PPP1R9A: variants seen among roughly 807,000 people sequenced by gnomAD.
PPP1R9A encodes neurabin-1.
PPP1R9A carries 59 observed loss-of-function variants against 141.9 expected under a neutral mutation model. The observed-to-expected ratio is 0.42, with a 90% confidence interval of 0.34 to 0.52. The LOEUF is 0.52. Ranked by LOEUF, PPP1R9A falls within the 20% of genes least tolerant of loss-of-function variation. The pLI, the probability that PPP1R9A is intolerant of heterozygous loss-of-function variation, is 0.10. For synonymous variants in PPP1R9A, 500 were observed against 569.7 expected, an observed-to-expected ratio of 0.88 and a Z score of 1.74; for missense variants, 1,444 against 1,611.9, an observed-to-expected ratio of 0.90 and a Z score of 1.78.
At chr7:95,026,459 T>C (rs4278098) in intron 2 of PPP1R9A, among the ~76,000 whole-genome samples, 100,677 of 152,060 alleles carry the variant, frequency 0.66, 34,346 homozygotes, top group African/African-American at 0.82. Context: ...AGCTTTGTCC[T>C]AGAGGGGCAC....
chr7:95,057,898 G>C (rs1383974394), intron 2 of PPP1R9A, among the ~76,000 whole-genome samples: 1 of 151,946 alleles, frequency 6.6e-6, no homozygotes, highest in Non-Finnish European at 1.5e-5. Flanking sequence ...TGAACTTTAG[G>C]TATGGGTAAT....
chr7:95,209,476 C>G (rs921973524), intron 7 of PPP1R9A, among the ~76,000 whole-genome samples: 8 of 152,020 alleles, frequency 5.3e-5, no homozygotes, highest in Non-Finnish European at 5.9e-5. Context: ...TGTAAAGATG[C>G]CAGGAATCTT....
chr7:95,111,228 G>A (rs773558184), intron 2 of PPP1R9A, 31 bp from the exon 3 acceptor site: 4 of 1,383,246 alleles, frequency 2.9e-6, no homozygotes, highest in Admixed American at 5.0e-5. Flanking sequence ...TTTTTTTTCT[G>A]TATTATCATC....
chr7:95,015,894 TA>T (rs886094035), intron 2 of PPP1R9A, among the ~76,000 whole-genome samples: 2 of 151,582 alleles, frequency 1.3e-5, no homozygotes, highest in South Asian at 4.2e-4. Flanking sequence ...CTACAAAAAA[TA>T]AAAAAAATTA....
At chr7:94,970,780 A>C (rs1444872400) in intron 2 of PPP1R9A, among the ~76,000 whole-genome samples, 2 of 151,794 alleles carry the variant, frequency 1.3e-5, no homozygotes, top group Non-Finnish European at 2.9e-5. Context: ...GGACTACTTA[A>C]TTTTACATTG....
At chr7:94,921,494 T>G (rs1454973594) in intron 2 of PPP1R9A, among the ~76,000 whole-genome samples, 1 of 151,972 alleles carries the variant, frequency 6.6e-6, no homozygotes, top group Non-Finnish European at 1.5e-5. Context: ...TTTTGATGGA[T>G]TCCTTTACGA....
chr7:95,220,329 C>A (rs1054061110), intron 7 of PPP1R9A, among the ~76,000 whole-genome samples: 2 of 152,042 alleles, frequency 1.3e-5, no homozygotes, highest in Non-Finnish European at 2.9e-5. Context: ...TACATAGCAC[C>A]AAATTCAAAT....
chr7:95,248,854 GT>G lies in PPP1R9A; in HGVS notation c.2167-1168del, dbSNP rs1412218202. Among the ~76,000 whole-genome samples, 8 of 152,170 alleles carry G rather than the reference GT, an allele frequency of 5.3e-5. No homozygotes were observed. In the East Asian group the frequency reaches 1.5e-3, roughly 29 times the overall value. On this transcript the variant is annotated intron_variant, in intron 9 of 19. Coordinates refer to ENST00000433360, the MANE Select transcript of PPP1R9A (RefSeq NM_001166160.2). The stretch of plus-strand genomic sequence containing the variant: ...TGGATGCTTTCTAACTTTGTAAACT[GT>G]TTTGCAAATGTGTTTAGTTAAAAAT...
chr7:94,951,814 T>C (rs1796506828), intron 2 of PPP1R9A, among the ~76,000 whole-genome samples: 1 of 151,940 alleles, frequency 6.6e-6, no homozygotes, highest in African/African-American at 2.4e-5. Context: ...GAGTGCTTCA[T>C]TCAGTTTCCT....
chr7:95,283,552 A>G (rs148315469), intron 16 of PPP1R9A, among the ~76,000 whole-genome samples: 2 of 152,298 alleles, frequency 1.3e-5, no homozygotes, highest in African/African-American at 4.8e-5. Flanking sequence ...TGAACCCTGA[A>G]ATTTCAAAAT....
chr7:94,996,951 T>C (rs1158553787), intron 2 of PPP1R9A, among the ~76,000 whole-genome samples: 1 of 151,960 alleles, frequency 6.6e-6, no homozygotes, highest in Non-Finnish European at 1.5e-5. Context: ...TACAGGCATG[T>C]GCTACCACGC....
intron 2 of PPP1R9A, among the ~76,000 whole-genome samples, chr7:94,917,508 G>C (rs1792232614): frequency 6.6e-6 from 1 of 152,018 alleles, no homozygotes; most frequent in South Asian, 2.1e-4. Flanking sequence ...TGGGGCACAA[G>C]TAATTCTCCT....
At chr7:95,127,372 A>G (rs1467740800) in intron 4 of PPP1R9A, among the ~76,000 whole-genome samples, 1 of 152,184 alleles carries the variant, frequency 6.6e-6, no homozygotes, top group Non-Finnish European at 1.5e-5. Flanking sequence ...TATTTTAGTC[A>G]TAGGATTCCT....
chr7:95,111,126 T>C (rs560898459), intron 2 of PPP1R9A, 133 bp from the exon 3 acceptor site: 9 of 1,005,278 alleles, frequency 9.0e-6, no homozygotes, highest in Admixed American at 5.8e-5. Flanking sequence ...TCTTAACATC[T>C]CAATTGATTT....
At chr7:95,006,509 C>A (rs1803621003) in intron 2 of PPP1R9A, among the ~76,000 whole-genome samples, 2 of 151,924 alleles carry the variant, frequency 1.3e-5, no homozygotes, top group African/African-American at 4.8e-5. Context: ...CCTTGCCCGG[C>A]CAAGAACATT....
intron 7 of PPP1R9A, among the ~76,000 whole-genome samples, chr7:95,215,719 C>G (rs1029791997): frequency 1.3e-5 from 2 of 152,116 alleles, no homozygotes; most frequent in African/African-American, 4.8e-5. Flanking sequence ...TCTCTGATGG[C>G]CAGTGATGAT....
intron 2 of PPP1R9A, among the ~76,000 whole-genome samples, chr7:95,047,908 A>C (rs540377703): frequency 6.6e-6 from 1 of 152,324 alleles, no homozygotes; most frequent in African/African-American, 2.4e-5. Context: ...GTATAAAAAC[A>C]TGCTGGTTAA....
At chr7:95,047,773 G>A (rs982321441) in intron 2 of PPP1R9A, among the ~76,000 whole-genome samples, 2 of 152,106 alleles carry the variant, frequency 1.3e-5, no homozygotes, top group African/African-American at 2.4e-5. Context: ...CAGATGTAAA[G>A]GGGACACATT....
intron 2 of PPP1R9A, among the ~76,000 whole-genome samples, chr7:95,003,848 C>A (rs1436705472): frequency 6.6e-6 from 1 of 152,128 alleles, no homozygotes; most frequent in Non-Finnish European, 1.5e-5. Flanking sequence ...GTTGAACTTT[C>A]TTTTATCTTC....
Sources: allele counts gnomAD v4.1 joint callset (sites outside exome capture counted in the v4.1 genomes callset), GRCh38; gene constraint gnomAD v4.1.1; transcripts MANE v1.5; gene names NCBI Gene and HGNC (gene_info 2026-07-23, HGNC 2026-07-21).